RAB8A: variants seen among roughly 807,000 people sequenced by gnomAD.
RAB8A encodes RAB8A, member RAS oncogene family, also known as ras-related protein Rab-8A.
A neutral mutation model predicts 29.2 loss-of-function variants in RAB8A; 5 were observed. The ratio of observed to expected loss-of-function variants is 0.17; its 90% CI spans 0.09 to 0.36. The LOEUF (loss-of-function observed/expected upper bound fraction) is 0.36. Among genes scored for constraint, RAB8A ranks in the 10% least tolerant of loss-of-function variants. The probability of loss-of-function intolerance (pLI) is 1.00; values close to 1 mark genes in which losing one functional copy is unlikely to be tolerated. For synonymous variants in RAB8A, 108 were observed against 99.9 expected, an observed-to-expected ratio of 1.08 and a Z score of -0.49; for missense variants, 171 against 272.2, an observed-to-expected ratio of 0.63 and a Z score of 2.62.
At chr19:16,119,433 G>A (rs571626679) in intron 2 of RAB8A, among the ~76,000 whole-genome samples, 211 of 152,232 alleles carry the variant, frequency 1.4e-3, no homozygotes, top group Middle Eastern at 3.4e-3. Flanking sequence ...TCCAACTCCC[G>A]ACCTCAGGTG....
At chr19:16,121,670 C>T (rs1207097025) in intron 2 of RAB8A, 80 bp from the exon 3 acceptor site, 1 of 1,333,752 alleles carries the variant, frequency 7.5e-7, no homozygotes, top group Admixed American at 1.8e-5. Context: ...GCCAGGCATC[C>T]CGGGTAGATG....
intron 1 of RAB8A, 118 bp downstream of exon 1, chr19:16,112,143 G>A: frequency 7.2e-7 from 1 of 1,392,308 alleles, no homozygotes; most frequent in Non-Finnish European, 9.7e-7. Flanking sequence ...GAGGGTCGAG[G>A]GGGCCTAAAG....
chr19:16,113,516 C>G (rs2090833062), intron 1 of RAB8A, among the ~76,000 whole-genome samples: 1 of 152,114 alleles, frequency 6.6e-6, no homozygotes, highest in Non-Finnish European at 1.5e-5. Flanking sequence ...ATTCTCCTGC[C>G]TCAGCCTCCC....
intron 1 of RAB8A, among the ~76,000 whole-genome samples, chr19:16,114,652 T>G (rs560571406): frequency 6.7e-6 from 1 of 149,448 alleles, no homozygotes; most frequent in South Asian, 2.1e-4. Flanking sequence ...CCTCCCAAAG[T>G]GCTGGGATTA....
intron 2 of RAB8A, among the ~76,000 whole-genome samples, chr19:16,120,566 C>T (rs2090869945): frequency 2.0e-5 from 3 of 150,950 alleles, no homozygotes; most frequent in Non-Finnish European, 4.4e-5. Context: ...TGGCCTCAGC[C>T]TCCCAAAGTG....
rs934345616 is a variant in RAB8A at position 16,132,933 on chromosome 19, G to A, written c.*629G>A. The A allele has an allele frequency of 6.5e-6, 1 of 153,170 alleles. No individual in the cohort carries two copies. Among genetic ancestry groups the A allele is most frequent in the African/African-American group, 2.4e-5 (1 of 41,444 alleles). 9.5% of individuals were successfully genotyped at this position (153,170 alleles called of 1,614,324 possible). On this transcript the variant is annotated 3_prime_UTR_variant, in exon 8 of 8. Coordinates refer to ENST00000300935, the MANE Select transcript of RAB8A (RefSeq NM_005370.5). This position sits in a 1 kb window ranked among gnomAD's most constrained non-coding sequence, Gnocchi z 5.6. ...AAGGAAATCCTGTGTAAAGCATTGA[G>A]AAGGAAAGAAGCCTGGAGCAGCCTC... is the stretch of plus-strand genomic sequence containing the variant.
At chr19:16,123,024 C>G (rs994147193) in intron 3 of RAB8A, among the ~76,000 whole-genome samples, 1 of 152,176 alleles carries the variant, frequency 6.6e-6, no homozygotes, top group South Asian at 2.1e-4. Flanking sequence ...GGCAGTGGGC[C>G]CAGGTCTTAG....
At position 16,125,324 on chromosome 19, in the gene RAB8A, C is replaced by A; in HGVS notation, c.247-146C>A. ...GAGAGGAGGGGGCTGGCTTCCGGGG[C>A]TCCACAGAGGTGGGGAGGGCGGCAG... On this transcript the variant is annotated intron_variant, in intron 3 of 7. Coordinates refer to ENST00000300935, the MANE Select transcript of RAB8A (RefSeq NM_005370.5). This position sits in a 1 kb window ranked among gnomAD's most constrained non-coding sequence, Gnocchi z 5.0. The A allele has an allele frequency of 1.5e-6, 1 of 679,904 alleles. No homozygotes were observed. Among genetic ancestry groups the A allele is most frequent in the Non-Finnish European group, 2.6e-6 (1 of 390,120 alleles). The allele number at this position is 679,904 out of a possible 1,614,324, so 42.1% of individuals were successfully genotyped here.
At position 16,128,048 on chromosome 19, in the gene RAB8A, A is replaced by G. The variant is rs1267675900; in HGVS notation, c.437A>G (p.Lys146Arg). ...GEKLALDYGI[K>R]FMETSAKANI... The stretch of plus-strand genomic sequence containing the variant: ...CAGCTGGCCCTCGACTATGGAATCA[A>G]GTTCATGGAGACCAGCGCGAAGGCC... Residue 146 changes from lysine to arginine, a missense_variant, in exon 6 of 8, where the codon AAG becomes AGG. Physicochemically the swap from Lys to Arg is conservative, Grantham distance 26 (BLOSUM62 2). This residue lies in a region of RAB8A where 145 missense variants were observed against 212.8 expected (regional missense o/e 0.68). Transcript: ENST00000300935. 6.2e-7 allele frequency: 1 copy of G among 1,614,176 alleles called. No individual in the cohort carries two copies. Among genetic ancestry groups the G allele is most frequent in the East Asian group, 2.2e-5 (1 of 44,886 alleles).
intron 7 of RAB8A, among the ~76,000 whole-genome samples, chr19:16,131,439 T>G (rs2090923910): frequency 6.6e-6 from 1 of 151,574 alleles, no homozygotes; most frequent in Admixed American, 6.6e-5. Flanking sequence ...GATGATTGGT[T>G]TGTTGGTTGG....
intron 6 of RAB8A, among the ~76,000 whole-genome samples, chr19:16,129,180 G>A (rs1349068908): frequency 6.6e-6 from 1 of 152,192 alleles, no homozygotes; most frequent in Non-Finnish European, 1.5e-5. Context: ...GGATTGGTCG[G>A]TTAACTGCTG....
intron 7 of RAB8A, among the ~76,000 whole-genome samples, chr19:16,131,842 G>GTA (rs773637365): frequency 2.8e-4 from 39 of 141,032 alleles, no homozygotes; most frequent in Non-Finnish European, 5.2e-4. Flanking sequence ...GGTTGAAAGG[G>GTA]TATAGATGGA....
At chr19:16,131,685 G>A (rs746679314) in intron 7 of RAB8A, among the ~76,000 whole-genome samples, 2 of 151,116 alleles carry the variant, frequency 1.3e-5, no homozygotes. Context: ...GAAGGGGATG[G>A]ATGGTTGGAA....
chr19:16,114,377 CTTTTTT>C (rs35265465), intron 1 of RAB8A, among the ~76,000 whole-genome samples: 8 of 117,164 alleles, frequency 6.8e-5, no homozygotes, highest in Admixed American at 1.9e-4. Flanking sequence ...AAACCCCCCT[CTTTTTT>C]TTTTTTTTTT....
intron 2 of RAB8A, among the ~76,000 whole-genome samples, chr19:16,121,091 A>G (rs2090873439): frequency 1.3e-5 from 2 of 149,620 alleles, no homozygotes; most frequent in African/African-American, 5.0e-5. Context: ...TAATTTTTGT[A>G]TTTTTTGTAG....
rs2090880402 is a variant in RAB8A at position 16,122,672 on chromosome 19, G to A, written c.246+862G>A. Among the ~76,000 whole-genome samples, 1 of 152,182 alleles carries A rather than the reference G, an allele frequency of 6.6e-6. No individual in the cohort carries two copies. On this transcript the variant is annotated intron_variant, in intron 3 of 7. Transcript: ENST00000300935. The surrounding 1 kb of genome is among the most constrained non-coding windows in gnomAD (Gnocchi z 4.7). Reference sequence around the variant, plus strand: ...GGTCCCTGCCATCTGCCTGGCCCCGGGGAACCTGCTGGGTCTGCAGTAGTT... The same window carrying A: ...GGTCCCTGCCATCTGCCTGGCCCCGAGGAACCTGCTGGGTCTGCAGTAGTT...
rs10419492 is a variant in RAB8A, at chr19:16,125,818, A to C, written c.324+271A>C. ...CAGTGTCATGGTTATAAGAGAAAGG[A>C]TATCCAAGCTTGTGGTCACCATGAG... On this transcript the variant is annotated intron_variant, in intron 4 of 7. Coordinates refer to ENST00000300935, the MANE Select transcript of RAB8A (RefSeq NM_005370.5). This position sits in a 1 kb window ranked among gnomAD's most constrained non-coding sequence, Gnocchi z 5.0. 1,639 of 574,622 alleles carry C rather than the reference A, an allele frequency of 2.9e-3. 24 individuals are homozygous for C. Among genetic ancestry groups the C allele is most frequent in the African/African-American group, 0.027 (1,469 of 54,012 alleles). The allele number at this position is 574,622 out of a possible 1,614,324, so 35.6% of individuals were successfully genotyped here.
At chr19:16,117,742 G>A (rs1269333718) in intron 1 of RAB8A, among the ~76,000 whole-genome samples, 6 of 152,108 alleles carry the variant, frequency 3.9e-5, no homozygotes, top group African/African-American at 7.2e-5. Context: ...CCTAGCTGAC[G>A]GGCCAGTGGG....
Position 16,118,137 on chromosome 19 carries a change from T to C in RAB8A, c.125-89T>C, listed in dbSNP as rs2090855043. 14 of 1,110,730 alleles carry C rather than the reference T, an allele frequency of 1.3e-5. No homozygotes were observed. The Admixed American group carries it at 2.6e-4, about 21-fold the overall frequency. The allele number at this position is 1,110,730 out of a possible 1,614,324, so 68.8% of individuals were successfully genotyped here. ...CAGGGTCTCCGTAAGCCACAACAGC[T>C]GTCACCTGCACAGGTTGGTGGCGCC... On this transcript the variant is annotated intron_variant, in intron 1 of 7. Coordinates refer to ENST00000300935, the MANE Select transcript of RAB8A (RefSeq NM_005370.5).
Sources: gnomAD v4.1 joint callset for allele counts (sites outside exome capture counted in the v4.1 genomes callset) on GRCh38, gnomAD v4.1.1 for gene constraint, gnomAD v4.1.1 regional missense constraint, Gnocchi (gnomAD v3.1) non-coding constraint, MANE v1.5 for transcripts, NCBI Gene and HGNC (gene_info 2026-07-23, HGNC 2026-07-21) for gene names.